ATOSA: variants seen among roughly 807,000 people sequenced by gnomAD.
The protein encoded by ATOSA is atos homolog A, also known as atos homolog protein A.
the ATOSA span, among the ~76,000 whole-genome samples, chr15:52,608,280 A>G: frequency 1.3e-5 from 2 of 152,204 alleles, no homozygotes; most frequent in Admixed American, 1.3e-4. Context: ...TAGACCTAAC[A>G]TGTCATGAAA....
the ATOSA span, among the ~76,000 whole-genome samples, chr15:52,660,270 G>A: frequency 6.6e-6 from 1 of 152,198 alleles, no homozygotes; most frequent in South Asian, 2.1e-4. Context: ...CACCACCCTT[G>A]AAGAACAATT....
the ATOSA span, among the ~76,000 whole-genome samples, chr15:52,683,923 C>T: frequency 6.6e-6 from 1 of 152,208 alleles, no homozygotes; most frequent in Admixed American, 6.5e-5. Flanking sequence ...AGTTTCACCT[C>T]AAAATGTCTT....
the ATOSA span, among the ~76,000 whole-genome samples, chr15:52,637,473 T>A: frequency 6.6e-6 from 1 of 152,294 alleles, no homozygotes; most frequent in Non-Finnish European, 1.5e-5. Context: ...CCATGCTCAA[T>A]CACCCAAGCC....
the ATOSA span, chr15:52,609,104 T>C: frequency 6.2e-7 from 1 of 1,613,472 alleles, no homozygotes; most frequent in East Asian, 2.2e-5. Context: ...CTAGAACTTT[T>C]GTTCTGTGTC....
the ATOSA span, among the ~76,000 whole-genome samples, chr15:52,615,487 A>G: frequency 6.6e-6 from 1 of 152,208 alleles, no homozygotes; most frequent in African/African-American, 2.4e-5. Flanking sequence ...CATAGTTCCT[A>G]GTTTTGAAAC....
At chr15:52,608,756 G>T in the ATOSA span, 57 of 1,608,674 alleles carry the variant, frequency 3.5e-5, no homozygotes, top group Non-Finnish European at 4.8e-5. Flanking sequence ...ATGCTATTAA[G>T]TTGAGTATTT....
chr15:52,611,780 T>TA, the ATOSA span: 1 of 1,613,030 alleles, frequency 6.2e-7, no homozygotes, highest in East Asian at 2.2e-5. Flanking sequence ...TGGCGGCACT[T>TA]AGAGAAAATG....
chr15:52,624,512 C>T, the ATOSA span, among the ~76,000 whole-genome samples: 9 of 152,182 alleles, frequency 5.9e-5, no homozygotes, highest in Non-Finnish European at 1.3e-4. Context: ...GTACTGTTAA[C>T]TTCAGCCAAA....
chr15:52,669,806 T>C, the ATOSA span, among the ~76,000 whole-genome samples: 1 of 152,222 alleles, frequency 6.6e-6, no homozygotes, highest in Non-Finnish European at 1.5e-5. Flanking sequence ...TAACCTATAA[T>C]GGCCATCTTG....
chr15:52,604,085 C>A, the ATOSA span, among the ~76,000 whole-genome samples: 1 of 152,200 alleles, frequency 6.6e-6, no homozygotes, highest in East Asian at 1.9e-4. Flanking sequence ...AAACATCACA[C>A]GTACCCTGTA....
the ATOSA span, among the ~76,000 whole-genome samples, chr15:52,588,790 C>T: frequency 6.6e-6 from 1 of 152,174 alleles, no homozygotes; most frequent in East Asian, 1.9e-4. Context: ...AATGCTGATG[C>T]ATTTACGTTA....
chr15:52,610,060 CT>C, the ATOSA span: 1 of 1,613,976 alleles, frequency 6.2e-7, no homozygotes, highest in Non-Finnish European at 8.5e-7. Context: ...ACTTGGGCCA[CT>C]TTTTGCATGT....
chr15:52,673,078 T>C, the ATOSA span, among the ~76,000 whole-genome samples: 1 of 152,224 alleles, frequency 6.6e-6, no homozygotes, highest in African/African-American at 2.4e-5. Flanking sequence ...AACTGACTGG[T>C]TTCTTCTTTA....
At chr15:52,581,745 A>C in the ATOSA span, 1 of 155,068 alleles carries the variant, frequency 6.4e-6, no homozygotes. Context: ...AAAATTAAAG[A>C]CTTGTGCATA....
the ATOSA span, among the ~76,000 whole-genome samples, chr15:52,690,652 C>T: frequency 5.3e-5 from 8 of 152,312 alleles, no homozygotes; most frequent in African/African-American, 1.9e-4. Context: ...CAAGATGACA[C>T]TTGCAGAATC....
chr15:52,617,601 A>G, the ATOSA span, among the ~76,000 whole-genome samples: 1 of 152,178 alleles, frequency 6.6e-6, no homozygotes, highest in African/African-American at 2.4e-5. Context: ...AGACAAAAAT[A>G]ACTCATTTTT....
At chr15:52,663,298 T>C in the ATOSA span, among the ~76,000 whole-genome samples, 40 of 152,330 alleles carry the variant, frequency 2.6e-4, no homozygotes, top group South Asian at 7.9e-3. Flanking sequence ...TAAATTAACT[T>C]CTCCAGTGGA....
At chr15:52,697,680 A>G in the ATOSA span, among the ~76,000 whole-genome samples, 2 of 152,272 alleles carry the variant, frequency 1.3e-5, no homozygotes, top group African/African-American at 2.4e-5. Context: ...CAATACATAT[A>G]TCTAACAAAC....
chr15:52,638,712 A>C, the ATOSA span, among the ~76,000 whole-genome samples: 4 of 151,772 alleles, frequency 2.6e-5, no homozygotes, highest in South Asian at 8.3e-4. Flanking sequence ...AAAAAAAAAA[A>C]AAAAAAGTAC....
Sources: gnomAD v4.1 joint callset for allele counts (sites outside exome capture counted in the v4.1 genomes callset) on GRCh38, gnomAD v4.1.1 for gene constraint, MANE v1.5 for transcripts, NCBI Gene and HGNC (gene_info 2026-07-23, HGNC 2026-07-21) for gene names.